The following RGS4 variants were observed in gnomAD, a reference collection of about 807,000 sequenced individuals.
RGS4 encodes the protein schizophrenia disorder 9.
A neutral mutation model predicts 21.6 loss-of-function variants in RGS4; 15 were observed. The observed-to-expected ratio is 0.69, with a 90% confidence interval of 0.46 to 1.07. The LOEUF (loss-of-function observed/expected upper bound fraction) is 1.07, where lower values mean the gene tolerates loss of function less well. Among genes scored for constraint, RGS4 ranks in the 50% least tolerant of loss-of-function variants. The probability of loss-of-function intolerance (pLI) is 0.00; values close to 1 mark genes in which losing one functional copy is unlikely to be tolerated. For synonymous variants in RGS4, 94 were observed against 85.5 expected (o/e 1.10, Z -0.55); for missense variants, 237 against 239.0 (o/e 0.99, Z 0.06).
chr1:163,074,143 T>G, intron 4 of RGS4, 178 bp from the exon 5 acceptor site: 1 of 709,262 alleles, frequency 1.4e-6, no homozygotes, highest in Admixed American at 2.6e-5. Context: ...AGCAGAAAGG[T>G]TCATTCTGAA....
intron 4 of RGS4, 174 bp from the exon 5 acceptor site, chr1:163,074,127 CTCTAAAGCAGAAAGGTTCAT>C (rs1358891825): frequency 1.5e-6 from 1 of 652,750 alleles, no homozygotes; most frequent in Non-Finnish European, 2.6e-6. Flanking sequence ...GCCCTGCTCT[CTCTAAAGCAGAAAGGTTCAT>C]TCTGAACCTT....
rs1203709481 is a variant in RGS4 at position 163,073,604 on chromosome 1, A to T, written c.360A>T (p.Ser120=). The change falls in exon 4 of 5, where the codon TCA becomes TCT. Residue 120 remains serine (S), a synonymous_variant. Coordinates refer to ENST00000367909, the MANE Select transcript of RGS4 (RefSeq NM_005613.6). ...AAAAGATCTATAATGAATTCATCTCAGTCCAGGCAACCAAAGAGGTAGGTT... is the reference window on the plus strand; with the variant it reads ...AAAAGATCTATAATGAATTCATCTCTGTCCAGGCAACCAAAGAGGTAGGTT... The part of the protein sequence containing the change: ...KAKKIYNEFI[S]VQATKEVNLD... The T allele has an allele frequency of 1.3e-6, 2 of 1,595,624 alleles. No homozygotes were observed. Among genetic ancestry groups the T allele is most frequent in the Non-Finnish European group, 1.7e-6 (2 of 1,175,334 alleles).
chr1:163,073,920 G>T, intron 4 of RGS4: 1 of 362,456 alleles, frequency 2.8e-6, no homozygotes, highest in Non-Finnish European at 4.9e-6. Flanking sequence ...GACCAAAAAG[G>T]TAAGCTTTTA....
intron 1 of RGS4, among the ~76,000 whole-genome samples, chr1:163,070,168 G>T (rs1051527351): frequency 6.6e-6 from 1 of 152,092 alleles, no homozygotes; most frequent in Non-Finnish European, 1.5e-5. Context: ...TAATAGTTTT[G>T]TAGAAGATCT....
intron 1 of RGS4, chr1:163,072,002 T>C (rs1232283685): frequency 2.0e-6 from 2 of 989,704 alleles, no homozygotes; most frequent in Non-Finnish European, 2.4e-6. Context: ...AGGATGTGCA[T>C]CTTTTGCCGC....
At chr1:163,071,861 C>CCCCCCCCA (rs1655319850) in intron 1 of RGS4, 1 of 25,712 alleles carries the variant, frequency 3.9e-5, no homozygotes. Flanking sequence ...GCTTGCCCCC[C>CCCCCCCCA]CCCCCCCCCC....
rs1338242605 is a variant in RGS4, at chr1:163,075,942, T to C, written c.*1382T>C. 1.0e-5 allele frequency: 1 copy of C among 100,240 alleles called. No homozygotes were observed. The highest frequency in any genetic ancestry group is 2.3e-5 in the Non-Finnish European group (1 of 44,268). 6.2% of individuals were successfully genotyped at this position (100,240 alleles called of 1,614,324 possible). ...TTTCTTTTTAGGCTCTGAGACTAAA[T>C]GAGAGGAAAAGAAAAGAAAAAAAAA... is the stretch of plus-strand genomic sequence containing the variant. On this transcript the variant is annotated 3_prime_UTR_variant, in exon 5 of 5. Coordinates refer to ENST00000367909, the MANE Select transcript of RGS4 (RefSeq NM_005613.6).
upstream of RGS4, chr1:163,068,934 C>A: frequency 6.3e-7 from 1 of 1,586,960 alleles, no homozygotes; most frequent in Non-Finnish European, 8.6e-7. Context: ...GATCTTGGAC[C>A]ATGTATAATA....
At position 163,075,967 on chromosome 1, in the gene RGS4, AATGAT is replaced by A. The variant is rs1655482462; in HGVS notation, c.*1408_*1412del. On this transcript the variant is annotated 3_prime_UTR_variant, in exon 5 of 5. Coordinates refer to ENST00000367909, the MANE Select transcript of RGS4 (RefSeq NM_005613.6). ...TGAGAGGAAAAGAAAAGAAAAAAAAAATGATTGTCTAACCAATTGTGAGAATTACT... is the reference window on the plus strand; with the variant it reads ...TGAGAGGAAAAGAAAAGAAAAAAAAATGTCTAACCAATTGTGAGAATTACT... 1 of 152,562 alleles carries A rather than the reference AATGAT, an allele frequency of 6.6e-6. No homozygotes were observed. Among genetic ancestry groups the A allele is most frequent in the Non-Finnish European group, 1.5e-5 (1 of 68,026 alleles). 9.5% of individuals were successfully genotyped at this position (152,562 alleles called of 1,614,324 possible).
Position 163,074,433 on chromosome 1 carries a change from C to G in RGS4, c.491C>G (p.Ser164Cys), listed in dbSNP as rs757932227. ...KKIFNLMEKD[S>C]YRRFLKSRFY... Reference sequence around the variant, plus strand: ...ATTTTCAACCTGATGGAGAAGGATTCCTACCGCCGCTTCCTCAAGTCTCGA... The same window carrying G: ...ATTTTCAACCTGATGGAGAAGGATTGCTACCGCCGCTTCCTCAAGTCTCGA... The change falls in exon 5 of 5, where the codon TCC becomes TGC. Residue 164 changes from serine (S) to cysteine (C), a missense_variant. Physicochemically the swap from Ser to Cys is moderately radical, Grantham distance 112. Coordinates refer to ENST00000367909, the MANE Select transcript of RGS4 (RefSeq NM_005613.6). 6.2e-7 allele frequency: 1 copy of G among 1,613,762 alleles called. No individual in the cohort carries two copies.
chr1:163,072,751 C>G, intron 2 of RGS4, 54 bp from the exon 3 acceptor site: 2 of 1,488,018 alleles, frequency 1.3e-6, no homozygotes, highest in South Asian at 1.2e-5. Flanking sequence ...ATTTCTTGCC[C>G]CAATTTTTTT....
At chr1:163,071,897 AGAC>A (rs1195527052) in intron 1 of RGS4, 7 of 547,006 alleles carry the variant, frequency 1.3e-5, no homozygotes, top group Admixed American at 1.3e-4. Flanking sequence ...GGAACTGAAT[AGAC>A]TTTTACTTTC....
At chr1:163,069,025 T>G, upstream of RGS4, 1 of 1,583,196 alleles carries the variant, frequency 6.3e-7, no homozygotes, top group Non-Finnish European at 8.6e-7. Flanking sequence ...GTACTTTTCC[T>G]TCCAGGAAGC....
upstream of RGS4, chr1:163,069,100 C>CT (rs933321490): frequency 2.6e-6 from 4 of 1,510,988 alleles, no homozygotes; most frequent in Non-Finnish European, 1.8e-6. Flanking sequence ...GCATTGTACA[C>CT]TTTTTTTCCT....
chr1:163,072,612 C>A, intron 2 of RGS4, 113 bp downstream of exon 2: 3 of 900,334 alleles, frequency 3.3e-6, no homozygotes, highest in Non-Finnish European at 1.7e-6. Flanking sequence ...ATCAAGATAG[C>A]CTCCATTTTC....
At position 163,075,629 on chromosome 1, in the gene RGS4, T is replaced by C. The variant is rs1185961851; in HGVS notation, c.*1069T>C. On this transcript the variant is annotated 3_prime_UTR_variant, in exon 5 of 5. Transcript: ENST00000367909. ...GGCATAGAAGTTAAAGGTTACTGTT[T>C]TTATCCTCTATCCTTTTTTCCTTTC... 2 of 152,172 alleles carry C rather than the reference T, an allele frequency of 1.3e-5. No homozygotes were observed. Among genetic ancestry groups the C allele is most frequent in the Non-Finnish European group, 2.9e-5 (2 of 68,034 alleles). The allele number at this position is 152,172 out of a possible 1,614,324, so 9.4% of individuals were successfully genotyped here.
At position 163,069,438 on chromosome 1, in the gene RGS4, C is replaced by G; in HGVS notation, c.-47C>G. 6.2e-7 allele frequency: 1 copy of G among 1,612,958 alleles called. No homozygotes were observed. The highest frequency in any genetic ancestry group is 8.5e-7 in the Non-Finnish European group (1 of 1,179,592). On this transcript the variant is annotated 5_prime_UTR_variant, in exon 1 of 5. Coordinates refer to ENST00000367909, the MANE Select transcript of RGS4 (RefSeq NM_005613.6). ...GCTCAAAGCCGAAGCCACAGCTCCT[C>G]CTGCCGCATTTCTTTCCTGCTTGCG...
Position 163,074,920 on chromosome 1 carries a change from C to T in RGS4, c.*360C>T. On this transcript the variant is annotated 3_prime_UTR_variant, in exon 5 of 5. Coordinates refer to ENST00000367909, the MANE Select transcript of RGS4 (RefSeq NM_005613.6). ...GTTAGTGCATGTCACATGACATCCACATGCACATGTATTCTGTTGGCCAGC... is the reference window on the plus strand; with the variant it reads ...GTTAGTGCATGTCACATGACATCCATATGCACATGTATTCTGTTGGCCAGC... The T allele has an allele frequency of 3.5e-6, 2 of 570,622 alleles. No homozygotes were observed. The highest frequency in any genetic ancestry group is 3.1e-6 in the Non-Finnish European group (1 of 320,128). 35.3% of individuals were successfully genotyped at this position (570,622 alleles called of 1,614,324 possible). A position where few individuals can be genotyped will look rare whatever the true frequency, so the allele number is the denominator to read the frequency against.
chr1:163,073,737 C>A, intron 4 of RGS4, 115 bp downstream of exon 4: 1 of 626,574 alleles, frequency 1.6e-6, no homozygotes, highest in Non-Finnish European at 2.7e-6. Context: ...ATATACATAT[C>A]TCAAACATTT....
Sources: allele counts gnomAD v4.1 joint callset (sites outside exome capture counted in the v4.1 genomes callset), GRCh38; gene constraint gnomAD v4.1.1; transcripts MANE v1.5; gene names NCBI Gene and HGNC (gene_info 2026-07-23, HGNC 2026-07-21).